Variants in RSPRY1 observed in about 807,000 individuals in gnomAD.
RSPRY1 encodes the protein RING finger and SPRY domain-containing protein 1.
A neutral mutation model predicts 73.1 loss-of-function variants in RSPRY1; 23 were observed. That is an observed-to-expected ratio of 0.31 (90% CI 0.23 to 0.45). The LOEUF (loss-of-function observed/expected upper bound fraction) is 0.45, where lower values mean the gene tolerates loss of function less well. Among genes scored for constraint, RSPRY1 ranks in the 20% least tolerant of loss-of-function variants. The pLI is 1.00. For missense variants in RSPRY1, 448 were observed against 698.7 expected (o/e 0.64, Z 4.05); for synonymous variants, 226 against 251.4 (o/e 0.90, Z 0.95).
intron 6 of RSPRY1, among the ~76,000 whole-genome samples, chr16:57,215,517 A>G (rs1334900364): frequency 6.6e-6 from 1 of 152,192 alleles, no homozygotes; most frequent in African/African-American, 2.4e-5. Context: ...TTCAACAGAT[A>G]GACCTTTCCT....
intron 1 of RSPRY1, among the ~76,000 whole-genome samples, chr16:57,199,587 T>C (rs1341296865): frequency 6.6e-6 from 1 of 152,212 alleles, no homozygotes; most frequent in African/African-American, 2.4e-5. Context: ...GGGAAAGGCA[T>C]GGGCTAGGTA....
rs1313539509 is a variant in RSPRY1 at position 57,186,345 on chromosome 16, A to G, written c.-262A>G. The G allele has an allele frequency of 2.6e-5, 5 of 190,622 alleles. No individual in the cohort carries two copies. The highest frequency in any genetic ancestry group is 4.9e-5 in the Non-Finnish European group (5 of 102,312). The allele number at this position is 190,622 out of a possible 1,614,324, so 11.8% of individuals were successfully genotyped here. ...GGGGGTGGGCTCTGCGCGTAATGGC[A>G]GCGCCGTGGCCTCGCGTCCATCTTT... On this transcript the variant is annotated 5_prime_UTR_variant, in exon 1 of 15. Transcript: ENST00000394420.
At chr16:57,194,595 C>G (rs1239200552) in intron 1 of RSPRY1, among the ~76,000 whole-genome samples, 1 of 152,058 alleles carries the variant, frequency 6.6e-6, no homozygotes, top group Non-Finnish European at 1.5e-5. Context: ...AAAGTCACAT[C>G]CTCTAACACT....
At chr16:57,209,594 C>G (rs147750302) in intron 4 of RSPRY1, among the ~76,000 whole-genome samples, 5,094 of 152,056 alleles carry the variant, frequency 0.034, 285 homozygotes, top group East Asian at 0.23. Context: ...GAACTCCTGA[C>G]CTCAGGTGAT....
chr16:57,217,053 T>G lies in RSPRY1; in HGVS notation c.901+18T>G, dbSNP rs1397619451. 2 of 1,613,728 alleles carry G rather than the reference T, an allele frequency of 1.2e-6. No homozygotes were observed. Among genetic ancestry groups the G allele is most frequent in the South Asian group, 1.1e-5 (1 of 91,060 alleles). ...CAATCTCTGTAAGTGGGAGTTGTCC[T>G]TTATTAAAATGTCCGTTTCCATTTC... On this transcript the variant is annotated intron_variant, in intron 8 of 14. Transcript: ENST00000394420.
At chr16:57,230,135 C>A (rs762215040) in intron 11 of RSPRY1, among the ~76,000 whole-genome samples, 1 of 151,460 alleles carries the variant, frequency 6.6e-6, no homozygotes, top group Admixed American at 6.6e-5. Flanking sequence ...TTCAGCCTCC[C>A]GAGTAGCTGG....
chr16:57,233,713 C>CATA (rs1307287040), intron 13 of RSPRY1, among the ~76,000 whole-genome samples: 1 of 152,162 alleles, frequency 6.6e-6, no homozygotes, highest in Non-Finnish European at 1.5e-5. Flanking sequence ...TTTCCCTGGC[C>CATA]ATAACCGTAG....
At chr16:57,217,100 C>T (rs991087013) in intron 8 of RSPRY1, 65 bp downstream of exon 8, 3 of 1,568,912 alleles carry the variant, frequency 1.9e-6, no homozygotes, top group Non-Finnish European at 2.6e-6. Flanking sequence ...CTTTCATAGG[C>T]TCACTGGTCT....
intron 10 of RSPRY1, among the ~76,000 whole-genome samples, chr16:57,222,418 A>AGGCC: frequency 6.6e-6 from 1 of 152,208 alleles, no homozygotes; most frequent in Admixed American, 6.5e-5. Flanking sequence ...TTAAAGGCCT[A>AGGCC]TTTCAGCAAG....
chr16:57,239,159 C>A lies in RSPRY1; in HGVS notation c.*184C>A. On this transcript the variant is annotated 3_prime_UTR_variant, in exon 15 of 15. Transcript: ENST00000394420. ...TCTCTTAGAATCTAATCCAACTTGC[C>A]AGCCCTGAGAAAATCCCTTTTAAGG... The A allele has an allele frequency of 5.7e-6, 2 of 349,682 alleles. No individual in the cohort carries two copies. The highest frequency in any genetic ancestry group is 5.5e-5 in the South Asian group (1 of 18,342). The allele number at this position is 349,682 out of a possible 1,614,324, so 21.7% of individuals were successfully genotyped here.
Position 57,195,150 on chromosome 16 carries a change from C to A in RSPRY1, c.-156+8699C>A, listed in dbSNP as rs1241118959. 2.0e-5 allele frequency among the ~76,000 whole-genome samples: 3 copies of A among 152,284 alleles called. No individual in the cohort carries two copies. The East Asian group carries it at 5.8e-4, about 29-fold the overall frequency. ...AATCAAAATTAATAATACCACACTT[C>A]AGAGAAATAGATTTGCAAAGGAAAT... is the stretch of plus-strand genomic sequence containing the variant. On this transcript the variant is annotated intron_variant, in intron 1 of 14. Transcript: ENST00000394420.
intron 13 of RSPRY1, among the ~76,000 whole-genome samples, chr16:57,234,085 CTA>C: frequency 6.6e-6 from 1 of 152,314 alleles, no homozygotes; most frequent in Non-Finnish European, 1.5e-5. Flanking sequence ...TCTCCCTTCC[CTA>C]TGTTACTTTT....
At chr16:57,237,707 T>A (rs1223653321) in intron 14 of RSPRY1, among the ~76,000 whole-genome samples, 7 of 151,668 alleles carry the variant, frequency 4.6e-5, no homozygotes, top group African/African-American at 7.3e-5. Flanking sequence ...ATTTATTTAT[T>A]TTTATTTATT....
chr16:57,207,967 C>A (rs1312309688), intron 2 of RSPRY1, 91 bp from the exon 3 acceptor site: 5 of 795,834 alleles, frequency 6.3e-6, no homozygotes, highest in Non-Finnish European at 1.1e-5. Flanking sequence ...TCTTCTGTCC[C>A]TTTTTACCTC....
chr16:57,208,054 C>T lies in RSPRY1; in HGVS notation c.351-4C>T, dbSNP rs781644655. Reference sequence around the variant, plus strand: ...GGTTTAATGCCTTGAATTTTTTTTTCCAGTGATCAGGAACCTCCCTATTCA... The same window carrying T: ...GGTTTAATGCCTTGAATTTTTTTTTTCAGTGATCAGGAACCTCCCTATTCA... On this transcript the variant is annotated splice_region_variant and splice_polypyrimidine_tract_variant and intron_variant, in intron 2 of 14. Transcript: ENST00000394420. 146 of 1,561,524 alleles carry T rather than the reference C, an allele frequency of 9.3e-5. No homozygotes were observed. The highest frequency in any genetic ancestry group is 1.2e-4 in the Non-Finnish European group (138 of 1,149,300).
chr16:57,216,941 T>C lies in RSPRY1; in HGVS notation c.807T>C (p.Ser269=), dbSNP rs1465873869. The change falls in exon 8 of 15, where the codon AGT becomes AGC. Residue 269 remains serine (S), a synonymous_variant. Coordinates refer to ENST00000394420, the MANE Select transcript of RSPRY1 (RefSeq NM_133368.3). The part of the protein sequence containing the change: ...NKLTISESSI[S]DRLVTLESWA... ...TGACTATTTCTGAATCCAGTATTAGTGACCGGCTTGTCACATTGGAGTCCT... is the reference window on the plus strand; with the variant it reads ...TGACTATTTCTGAATCCAGTATTAGCGACCGGCTTGTCACATTGGAGTCCT... 1.2e-6 allele frequency: 2 copies of C among 1,613,644 alleles called. No homozygotes were observed. Among genetic ancestry groups the C allele is most frequent in the East Asian group, 4.5e-5 (2 of 44,880 alleles).
chr16:57,229,398 T>G (rs903356582), intron 11 of RSPRY1, among the ~76,000 whole-genome samples: 1 of 152,092 alleles, frequency 6.6e-6, no homozygotes, highest in Non-Finnish European at 1.5e-5. Context: ...GAGGATCACT[T>G]GGGGCCAGGA....
chr16:57,215,119 C>T (rs112900730), intron 6 of RSPRY1, among the ~76,000 whole-genome samples: 62 of 151,886 alleles, frequency 4.1e-4, no homozygotes, highest in African/African-American at 1.4e-3. Flanking sequence ...GAAGGTGGAC[C>T]CTCAGCTGGG....
intron 1 of RSPRY1, among the ~76,000 whole-genome samples, chr16:57,204,273 A>G (rs1354450886): frequency 6.6e-6 from 1 of 152,224 alleles, no homozygotes; most frequent in East Asian, 1.9e-4. Context: ...CCTCTGGTCT[A>G]TAAGAATATG....
Sources: allele counts gnomAD v4.1 joint callset (sites outside exome capture counted in the v4.1 genomes callset), GRCh38; gene constraint gnomAD v4.1.1; transcripts MANE v1.5; gene names NCBI Gene and HGNC (gene_info 2026-07-23, HGNC 2026-07-21).